Variants in HMBOX1 observed in about 807,000 individuals in gnomAD.
HMBOX1 encodes homeobox-containing protein 1.
Under a neutral mutation model 54.5 loss-of-function variants are expected in HMBOX1, and 14 were observed. The ratio of observed to expected loss-of-function variants is 0.26; its 90% confidence interval spans 0.17 to 0.40. HMBOX1 has a LOEUF of 0.40. Ranked by LOEUF, HMBOX1 falls within the 10% of genes least tolerant of loss-of-function variation. The pLI, the probability that HMBOX1 is intolerant of heterozygous loss-of-function variation, is 1.00. For synonymous variants in HMBOX1, 160 were observed against 181.0 expected, an observed-to-expected ratio of 0.88 and a Z score of 0.93; for missense variants, 332 against 514.4, an observed-to-expected ratio of 0.65 and a Z score of 3.43.
chr8:28,980,269 G>GCATA, intron 4 of HMBOX1, 113 bp downstream of exon 4: 3 of 782,746 alleles, frequency 3.8e-6, no homozygotes, highest in Non-Finnish European at 6.7e-6. Context: ...GTCAACTTAG[G>GCATA]CATAATTATG....
At chr8:29,000,049 T>C (rs1832409079) in intron 4 of HMBOX1, among the ~76,000 whole-genome samples, 1 of 152,182 alleles carries the variant, frequency 6.6e-6, no homozygotes, top group Non-Finnish European at 1.5e-5. Flanking sequence ...TTGCTGTTGT[T>C]GGTGATGTTT....
At position 29,051,759 on chromosome 8, in the gene HMBOX1, C is replaced by A. The variant is rs146433919; in HGVS notation, c.*604C>A. On this transcript the variant is annotated 3_prime_UTR_variant, in exon 10 of 10. Transcript: ENST00000287701. ...TGCTAAGAATGTCAATGGAAAAAGC[C>A]GATCTCAGATTTTGTTTGAAGTTAA... 3.4e-6 allele frequency: 2 copies of A among 582,376 alleles called. No homozygotes were observed. The highest frequency in any genetic ancestry group is 3.7e-5 in the African/African-American group (2 of 54,754). 36.1% of individuals were successfully genotyped at this position (582,376 alleles called of 1,614,324 possible).
intron 1 of HMBOX1, among the ~76,000 whole-genome samples, chr8:28,910,269 A>G (rs908695968): frequency 1.8e-4 from 28 of 152,190 alleles, no homozygotes; most frequent in African/African-American, 5.1e-4. Flanking sequence ...TTATTGCTGA[A>G]TAGCATTCAG....
At chr8:29,048,292 CATAAAT>C (rs1805908219) in intron 8 of HMBOX1, among the ~76,000 whole-genome samples, 1 of 151,992 alleles carries the variant, frequency 6.6e-6, no homozygotes. Context: ...CCTTGTACAC[CATAAAT>C]ATATACAATT....
intron 4 of HMBOX1, among the ~76,000 whole-genome samples, chr8:29,006,560 G>C (rs1273006237): frequency 6.6e-6 from 1 of 152,166 alleles, no homozygotes; most frequent in African/African-American, 2.4e-5. Flanking sequence ...AGCCTTGCCA[G>C]CACTTGATAT....
intron 4 of HMBOX1, among the ~76,000 whole-genome samples, chr8:28,991,151 C>A (rs1039451054): frequency 6.6e-6 from 1 of 152,122 alleles, no homozygotes; most frequent in African/African-American, 2.4e-5. Flanking sequence ...TCATAATTTA[C>A]TACCTGGATC....
intron 1 of HMBOX1, among the ~76,000 whole-genome samples, chr8:28,899,687 C>A (rs894044296): frequency 2.0e-5 from 3 of 152,106 alleles, no homozygotes; most frequent in African/African-American, 7.2e-5. Context: ...GCTTTTTATT[C>A]CTATGTCAGT....
chr8:29,024,974 C>A (rs1033850997), intron 6 of HMBOX1, among the ~76,000 whole-genome samples: 1 of 152,048 alleles, frequency 6.6e-6, no homozygotes, highest in African/African-American at 2.4e-5. Flanking sequence ...CTACCCCCCA[C>A]CCCGTCGGTG....
intron 1 of HMBOX1, among the ~76,000 whole-genome samples, chr8:28,961,920 CTTTTTT>C (rs35117256): frequency 1.5e-4 from 18 of 116,538 alleles, no homozygotes; most frequent in African/African-American, 5.3e-4. Flanking sequence ...TTTCTTTTTT[CTTTTTT>C]TTTTTTTGAG....
chr8:28,978,512 A>G (rs983892364), intron 3 of HMBOX1, among the ~76,000 whole-genome samples: 1 of 152,100 alleles, frequency 6.6e-6, no homozygotes, highest in Non-Finnish European at 1.5e-5. Context: ...GCTGGGCGCT[A>G]CTGCTCACGC....
intron 1 of HMBOX1, among the ~76,000 whole-genome samples, chr8:28,944,549 A>T (rs1356000230): frequency 6.6e-6 from 1 of 152,220 alleles, no homozygotes; most frequent in Admixed American, 6.5e-5. Context: ...AACTTGAGCT[A>T]AAGTCTCCAA....
At chr8:28,937,916 A>G (rs976635938) in intron 1 of HMBOX1, among the ~76,000 whole-genome samples, 2 of 151,956 alleles carry the variant, frequency 1.3e-5, no homozygotes, top group Non-Finnish European at 2.9e-5. Flanking sequence ...AATTTTTTTT[A>G]TACTTCAGTT....
intron 4 of HMBOX1, among the ~76,000 whole-genome samples, chr8:28,984,487 G>T (rs1829890583): frequency 6.6e-6 from 1 of 152,182 alleles, no homozygotes; most frequent in South Asian, 2.1e-4. Flanking sequence ...AAGTTCATGG[G>T]TGGGGTCTGT....
At chr8:28,973,841 G>A (rs562065500) in intron 3 of HMBOX1, among the ~76,000 whole-genome samples, 3 of 74,542 alleles carry the variant, frequency 4.0e-5, no homozygotes, top group Non-Finnish European at 7.6e-5. Context: ...TTTTGAGACA[G>A]TCTCGCTCTG....
At chr8:28,984,274 C>T (rs997005192) in intron 4 of HMBOX1, among the ~76,000 whole-genome samples, 1 of 152,160 alleles carries the variant, frequency 6.6e-6, no homozygotes, top group African/African-American at 2.4e-5. Flanking sequence ...AACAAGTTCT[C>T]TTAAAAAGAT....
intron 1 of HMBOX1, among the ~76,000 whole-genome samples, chr8:28,915,245 G>A (rs1816278522): frequency 6.6e-6 from 1 of 152,058 alleles, no homozygotes; most frequent in Non-Finnish European, 1.5e-5. Flanking sequence ...AGAAACAGAT[G>A]AAATTCATTT....
At chr8:29,018,059 G>T (rs1253007107) in intron 5 of HMBOX1, among the ~76,000 whole-genome samples, 1 of 152,184 alleles carries the variant, frequency 6.6e-6, no homozygotes, top group East Asian at 1.9e-4. Flanking sequence ...AGTGTAAGGA[G>T]TGAAAGAAGA....
At chr8:28,936,799 TAAAA>T (rs58487085) in intron 1 of HMBOX1, among the ~76,000 whole-genome samples, 1 of 128,994 alleles carries the variant, frequency 7.8e-6, no homozygotes, top group East Asian at 2.1e-4. Context: ...ACCAGAGGGT[TAAAA>T]AAAAAAAAAA....
At chr8:29,008,931 A>G (rs1168803069) in intron 4 of HMBOX1, 141 bp from the exon 5 acceptor site, 7 of 587,730 alleles carry the variant, frequency 1.2e-5, no homozygotes, top group Non-Finnish European at 1.5e-5. Flanking sequence ...AAAGGAATCC[A>G]ATAATAGTTT....
Sources: gnomAD v4.1 joint callset for allele counts (sites outside exome capture counted in the v4.1 genomes callset) on GRCh38, gnomAD v4.1.1 for gene constraint, MANE v1.5 for transcripts, NCBI Gene and HGNC (gene_info 2026-07-23, HGNC 2026-07-21) for gene names.